The following CDK5RAP2 variants were observed in gnomAD, a reference collection of about 807,000 sequenced individuals.
CDK5RAP2 encodes CDK5 regulatory subunit associated protein 2.
In CDK5RAP2, 147 loss-of-function variants were observed where a neutral mutation model predicts 232.9. The ratio of observed to expected loss-of-function variants is 0.63; its 90% CI spans 0.55 to 0.72. The LOEUF is 0.72. Ranked by LOEUF, CDK5RAP2 falls within the 30% of genes least tolerant of loss-of-function variation. The pLI is 0.00. For synonymous variants in CDK5RAP2, 833 were observed against 833.7 expected, an observed-to-expected ratio of 1.00 and a Z score of 0.01; for missense variants, 2,195 against 2,231.5, an observed-to-expected ratio of 0.98 and a Z score of 0.33.
At chr9:120,462,741 G>T (rs1205265249) in intron 18 of CDK5RAP2, among the ~76,000 whole-genome samples, 1 of 152,188 alleles carries the variant, frequency 6.6e-6, no homozygotes, top group African/African-American at 2.4e-5. Flanking sequence ...AGCTGGGGTG[G>T]GACTGGGTAT....
chr9:120,447,586 CACAG>C (rs2036260750), intron 22 of CDK5RAP2, among the ~76,000 whole-genome samples: 1 of 152,210 alleles, frequency 6.6e-6, no homozygotes, highest in East Asian at 1.9e-4. Flanking sequence ...CAGAGGCATC[CACAG>C]ACAAAGCCAA....
intron 12 of CDK5RAP2, among the ~76,000 whole-genome samples, chr9:120,500,935 G>C (rs115162555): frequency 6.6e-6 from 1 of 152,132 alleles, no homozygotes; most frequent in African/African-American, 2.4e-5. Context: ...TGGAGTAAGG[G>C]GGGGCCTGGG....
rs141563261 is a variant in CDK5RAP2, at chr9:120,408,447, C to A, written c.4626G>T (p.Leu1542Phe). The change falls in exon 31 of 38, where the codon TTG (leucine) becomes TTT (phenylalanine). Residue 1542 changes from leucine to phenylalanine, a missense_variant. Transcript: ENST00000349780. ...ELSRVQEEVK[L>F]RQQLLSQNDK... The stretch of plus-strand genomic sequence containing the variant: ...CATTCTGTGAGAGCAGCTGCTGCCT[C>A]AACTTCACCTCCTCCTGCACCCTGA... The A allele has an allele frequency of 7.4e-5, 120 of 1,614,132 alleles. No individual in the cohort carries two copies. In the African/African-American group the frequency reaches 1.5e-3, roughly 20 times the overall value.
intron 36 of CDK5RAP2, among the ~76,000 whole-genome samples, chr9:120,393,644 C>T (rs909966016): frequency 2.0e-5 from 3 of 152,342 alleles, no homozygotes; most frequent in Admixed American, 6.5e-5. Context: ...ACTCAGCTAC[C>T]GCCTGCTCCT....
chr9:120,430,825 C>T (rs1044147334), intron 25 of CDK5RAP2, among the ~76,000 whole-genome samples: 20 of 152,168 alleles, frequency 1.3e-4, no homozygotes, highest in African/African-American at 3.6e-4. Context: ...ATGTTTACTG[C>T]GGCACTATTC....
At chr9:120,405,158 C>T (rs1350708438) in intron 32 of CDK5RAP2, among the ~76,000 whole-genome samples, 1 of 152,208 alleles carries the variant, frequency 6.6e-6, no homozygotes. Context: ...CTCCATAGAG[C>T]TGGCCCCAAG....
intron 3 of CDK5RAP2, among the ~76,000 whole-genome samples, chr9:120,554,210 A>G (rs909966141): frequency 6.6e-6 from 1 of 152,246 alleles, no homozygotes; most frequent in Non-Finnish European, 1.5e-5. Flanking sequence ...TTGATATGAC[A>G]GTAGGCATAA....
At chr9:120,548,964 C>G (rs2041952162) in intron 4 of CDK5RAP2, among the ~76,000 whole-genome samples, 1 of 152,188 alleles carries the variant, frequency 6.6e-6, no homozygotes, top group Admixed American at 6.5e-5. Context: ...TGAGACCAGC[C>G]TGGAGAACAT....
In CDK5RAP2 at chr9:120,448,094, T is replaced by A. The variant is rs142596662; in HGVS notation, c.2826A>T (p.Ile942=). The A allele has an allele frequency of 2.3e-4, 370 of 1,614,204 alleles. 3 individuals are homozygous for A. In the African/African-American group the frequency reaches 3.7e-3, roughly 16 times the overall value. The change falls in exon 22 of 38, where the codon ATA becomes ATT. Residue 942 remains isoleucine, a synonymous_variant. Coordinates refer to ENST00000349780, the MANE Select transcript of CDK5RAP2 (RefSeq NM_018249.6). ...TATTTCCTAATGACCGGGATGGTTT[T>A]ATTAGGATTGGCAAGCGGGACTTCT... ...EAKKSRLPIL[I]KPSRSLGNMY...
At chr9:120,526,638 A>T (rs2040913194) in intron 10 of CDK5RAP2, among the ~76,000 whole-genome samples, 1 of 152,118 alleles carries the variant, frequency 6.6e-6, no homozygotes, top group Non-Finnish European at 1.5e-5. Flanking sequence ...AGATAGAGCC[A>T]GAGACCTCTC....
rs1202116672 is a variant in CDK5RAP2, at chr9:120,545,808, G to C, written c.307-18C>G. On this transcript the variant is annotated intron_variant, in intron 4 of 37. Coordinates refer to ENST00000349780, the MANE Select transcript of CDK5RAP2 (RefSeq NM_018249.6). The stretch of plus-strand genomic sequence containing the variant: ...TCAATGTTCTACAAAACAAGATTAA[G>C]AAAGAAAAGAAACAATGTAAAATAG... 1.3e-6 allele frequency: 2 copies of C among 1,598,280 alleles called. No individual in the cohort carries two copies. Among genetic ancestry groups the C allele is most frequent in the Non-Finnish European group, 1.7e-6 (2 of 1,165,990 alleles).
chr9:120,465,996 A>T (rs2037358071), intron 18 of CDK5RAP2, among the ~76,000 whole-genome samples: 1 of 152,256 alleles, frequency 6.6e-6, no homozygotes, highest in African/African-American at 2.4e-5. Flanking sequence ...TTTTAAAGTG[A>T]CAGAATTAGG....
chr9:120,467,998 C>T lies in CDK5RAP2; in HGVS notation c.1969-1G>A. On this transcript the variant is annotated splice_acceptor_variant, in intron 17 of 37. Coordinates refer to ENST00000349780, the MANE Select transcript of CDK5RAP2 (RefSeq NM_018249.6). LOFTEE classifies it high-confidence loss of function. ...TCACTAGCTGTATAAGGTCACTGACCTAGGAGGTAAGAACAGGGAAAAGGC... is the reference window on the plus strand; with the variant it reads ...TCACTAGCTGTATAAGGTCACTGACTTAGGAGGTAAGAACAGGGAAAAGGC... 1 of 1,613,884 alleles carries T rather than the reference C, an allele frequency of 6.2e-7. No homozygotes were observed. The highest frequency in any genetic ancestry group is 8.5e-7 in the Non-Finnish European group (1 of 1,179,872).
In CDK5RAP2 at chr9:120,471,827, T is replaced by C. The variant is rs541039344; in HGVS notation, c.1779A>G (p.Gln593=). The part of the protein sequence containing the change: ...ELNKIFALRK[Q]LEQDVLSYQN... ...GATATGAAAGCACATCCTGCTCCAG[T>C]TGCTTCCGCAGGGCAAAAATCTTGT... The change falls in exon 16 of 38, where the codon CAA becomes CAG. Residue 593 remains glutamine (Q), a synonymous_variant. Transcript: ENST00000349780. 1.5e-5 allele frequency: 25 copies of C among 1,613,654 alleles called. 1 individual carries two copies. In the South Asian group the frequency reaches 2.7e-4, roughly 18 times the overall value.
intron 10 of CDK5RAP2, among the ~76,000 whole-genome samples, chr9:120,527,448 GA>G (rs374555305): frequency 0.041 from 6,018 of 146,466 alleles, 170 homozygotes; most frequent in South Asian, 0.07. Context: ...GCTTAGTTCT[GA>G]AAAAAAAAAG....
chr9:120,560,580 T>C (rs183455025), intron 3 of CDK5RAP2, among the ~76,000 whole-genome samples: 1 of 152,318 alleles, frequency 6.6e-6, no homozygotes, highest in East Asian at 1.9e-4. Flanking sequence ...TTTTTACATC[T>C]AGGGAAGTAT....
chr9:120,495,963 C>G (rs2039197808), intron 12 of CDK5RAP2, among the ~76,000 whole-genome samples: 3 of 133,174 alleles, frequency 2.3e-5, no homozygotes, highest in Non-Finnish European at 5.0e-5. Flanking sequence ...CCAGCCGCCC[C>G]GTCCGGTAGG....
rs553822539 is a variant in CDK5RAP2, at chr9:120,538,410, A to AT, written c.507+630dup. ...AGCTTAAAATAGATAAGGAGACAGG[A>AT]TTTTTTAGCCAGGAAACATCCTGAC... On this transcript the variant is annotated intron_variant, in intron 6 of 37. Transcript: ENST00000349780. Among the ~76,000 whole-genome samples, 72 of 152,302 alleles carry AT rather than the reference A, an allele frequency of 4.7e-4. No individual in the cohort carries two copies. In the East Asian group the frequency reaches 0.014, roughly 29 times the overall value.
chr9:120,483,409 C>T (rs1317056620), intron 14 of CDK5RAP2, among the ~76,000 whole-genome samples: 1 of 152,226 alleles, frequency 6.6e-6, no homozygotes, highest in African/African-American at 2.4e-5. Context: ...GTCATGTCAA[C>T]GACAGAGCCC....
Sources: allele counts gnomAD v4.1 joint callset (sites outside exome capture counted in the v4.1 genomes callset), GRCh38; gene constraint gnomAD v4.1.1; transcripts MANE v1.5; gene names NCBI Gene and HGNC (gene_info 2026-07-23, HGNC 2026-07-21).